The following CDYL2 variants were observed in gnomAD, a reference collection of about 807,000 sequenced individuals.
CDYL2 encodes chromodomain Y-like protein 2.
CDYL2 carries 23 observed loss-of-function variants against 49.4 expected under a neutral mutation model. The ratio of observed to expected loss-of-function variants is 0.47; its 90% CI spans 0.34 to 0.66. The LOEUF (loss-of-function observed/expected upper bound fraction) is 0.66, where lower values mean the gene tolerates loss of function less well. Among genes scored for constraint, CDYL2 ranks in the 30% least tolerant of loss-of-function variants. CDYL2 has a pLI of 0.01. For synonymous variants in CDYL2, 360 were observed against 268.8 expected, an observed-to-expected ratio of 1.34 and a Z score of -3.32; for missense variants, 678 against 656.4, an observed-to-expected ratio of 1.03 and a Z score of -0.36.
chr16:80,736,100 G>A (rs1205361421), intron 1 of CDYL2, among the ~76,000 whole-genome samples: 5 of 152,222 alleles, frequency 3.3e-5, no homozygotes, highest in African/African-American at 9.6e-5. Context: ...ACTCCCAGCT[G>A]TCACAGCTGG....
intron 2 of CDYL2, among the ~76,000 whole-genome samples, chr16:80,680,978 G>A (rs532856420): frequency 6.6e-6 from 1 of 152,206 alleles, no homozygotes; most frequent in East Asian, 1.9e-4. Flanking sequence ...TCAGAATCAA[G>A]AGCAGTGTAG....
chr16:80,609,278 G>GGTCC (rs1301598024), intron 5 of CDYL2, among the ~76,000 whole-genome samples: 1 of 152,154 alleles, frequency 6.6e-6, no homozygotes, highest in African/African-American at 2.4e-5. Flanking sequence ...CATGTGATAG[G>GGTCC]GTCCGCACGG....
At chr16:80,764,368 T>C (rs74030419) in intron 1 of CDYL2, among the ~76,000 whole-genome samples, 2,072 of 152,260 alleles carry the variant, frequency 0.014, 52 homozygotes, top group African/African-American at 0.047. Flanking sequence ...AACTGAGCCA[T>C]GTGTCTTATT....
chr16:80,695,057 A>C (rs1018054599), intron 1 of CDYL2, among the ~76,000 whole-genome samples: 1 of 152,286 alleles, frequency 6.6e-6, no homozygotes, highest in Non-Finnish European at 1.5e-5. Flanking sequence ...TCAAGAGTCC[A>C]TCTGATATAA....
chr16:80,620,580 G>C (rs1440317859), intron 4 of CDYL2, among the ~76,000 whole-genome samples, 183 bp downstream of exon 4: 1 of 152,204 alleles, frequency 6.6e-6, no homozygotes, highest in Non-Finnish European at 1.5e-5. Context: ...ATTAAAATTT[G>C]AATTTCAGAT....
intron 1 of CDYL2, among the ~76,000 whole-genome samples, chr16:80,792,301 G>A (rs777543614): frequency 6.6e-6 from 1 of 152,150 alleles, no homozygotes; most frequent in African/African-American, 2.4e-5. Flanking sequence ...ATGAGAAACT[G>A]CAATGTTTAA....
At chr16:80,633,709 C>A (rs1461806215) in intron 2 of CDYL2, among the ~76,000 whole-genome samples, 1 of 150,012 alleles carries the variant, frequency 6.7e-6, no homozygotes, top group Admixed American at 7.1e-5. Context: ...AGAGATGGGG[C>A]TCTGGGACCC....
At chr16:80,618,090 A>G (rs1906911304) in intron 4 of CDYL2, among the ~76,000 whole-genome samples, 1 of 152,210 alleles carries the variant, frequency 6.6e-6, no homozygotes, top group Admixed American at 6.5e-5. Flanking sequence ...TTGCTAGTTC[A>G]TGAACTAGCA....
intron 4 of CDYL2, among the ~76,000 whole-genome samples, chr16:80,615,602 T>G (rs1258402667): frequency 6.6e-6 from 1 of 152,116 alleles, no homozygotes; most frequent in African/African-American, 2.4e-5. Context: ...CTCAGCTCCA[T>G]CAACCACATG....
chr16:80,661,193 T>G (rs559278543), intron 2 of CDYL2, among the ~76,000 whole-genome samples: 1 of 151,846 alleles, frequency 6.6e-6, no homozygotes. Flanking sequence ...GGAGGAAAAG[T>G]TTAGACAGAT....
At chr16:80,635,887 C>T (rs1412318456) in intron 2 of CDYL2, among the ~76,000 whole-genome samples, 1 of 152,166 alleles carries the variant, frequency 6.6e-6, no homozygotes, top group East Asian at 1.9e-4. Flanking sequence ...TGGAACAGAA[C>T]AGAGGCCTCA....
chr16:80,719,928 C>T (rs958661802), intron 1 of CDYL2, among the ~76,000 whole-genome samples: 7 of 152,192 alleles, frequency 4.6e-5, no homozygotes, highest in Admixed American at 4.6e-4. Context: ...GGCCAAAGGC[C>T]CTCCTCTGTA....
intron 2 of CDYL2, among the ~76,000 whole-genome samples, chr16:80,683,146 T>C (rs778286625): frequency 2.0e-5 from 3 of 152,186 alleles, no homozygotes; most frequent in Non-Finnish European, 4.4e-5. Context: ...CTTCTAACCA[T>C]TCCCCCTGCA....
At chr16:80,723,062 G>C (rs1905052378) in intron 1 of CDYL2, among the ~76,000 whole-genome samples, 2 of 152,234 alleles carry the variant, frequency 1.3e-5, no homozygotes, top group South Asian at 4.1e-4. Context: ...ACACTCGGCA[G>C]GGCGCTTTCT....
At position 80,608,211 on chromosome 16, in the gene CDYL2, G is replaced by T; in HGVS notation, c.1243C>A (p.Arg415=). The T allele has an allele frequency of 1.3e-6, 2 of 1,586,832 alleles. No individual in the cohort carries two copies. Among genetic ancestry groups the T allele is most frequent in the Non-Finnish European group, 1.7e-6 (2 of 1,165,922 alleles). ...CAGGCCTCCTGGGCGGTGAGCTTCCGCCCACAGAACAGCATCTCATTGGCC... is the reference window on the plus strand; with the variant it reads ...CAGGCCTCCTGGGCGGTGAGCTTCCTCCCACAGAACAGCATCTCATTGGCC... ...ALANEMLFCG[R]KLTAQEACSR... The change falls in exon 6 of 7, where the codon CGG becomes AGG. Residue 415 remains arginine, a synonymous_variant. Transcript: ENST00000570137.
intron 1 of CDYL2, among the ~76,000 whole-genome samples, chr16:80,710,249 G>T (rs1177210137): frequency 6.6e-6 from 1 of 152,060 alleles, no homozygotes; most frequent in African/African-American, 2.4e-5. Flanking sequence ...TTTTAAGAAT[G>T]CTCAAGTCAT....
chr16:80,771,939 T>G (rs1413031325), intron 1 of CDYL2, among the ~76,000 whole-genome samples: 2 of 152,038 alleles, frequency 1.3e-5, no homozygotes, highest in Non-Finnish European at 2.9e-5. Context: ...GGAGAATAAC[T>G]GCATATGAGG....
intron 3 of CDYL2, among the ~76,000 whole-genome samples, chr16:80,626,230 T>A (rs1337713878): frequency 1.5e-5 from 2 of 131,030 alleles, no homozygotes; most frequent in African/African-American, 6.0e-5. Flanking sequence ...TGAACCGAGA[T>A]CGTACCACCG....
intron 6 of CDYL2, 108 bp from the exon 7 acceptor site, chr16:80,604,654 G>C: frequency 8.5e-7 from 1 of 1,171,552 alleles, no homozygotes; most frequent in Non-Finnish European, 1.3e-6. Flanking sequence ...CACAGCCAGA[G>C]AAGGCTGCCT....
Sources: allele counts gnomAD v4.1 joint callset (sites outside exome capture counted in the v4.1 genomes callset), GRCh38; gene constraint gnomAD v4.1.1; transcripts MANE v1.5; gene names NCBI Gene and HGNC (gene_info 2026-07-23, HGNC 2026-07-21).